Variants in GABRA2 observed in about 807,000 individuals in gnomAD.
GABRA2 encodes gamma-aminobutyric acid receptor subunit alpha-2.
GABRA2 carries 16 observed loss-of-function variants against 48.7 expected under a neutral mutation model. The ratio of observed to expected loss-of-function variants is 0.33; its 90% CI spans 0.22 to 0.50. The LOEUF (loss-of-function observed/expected upper bound fraction) is 0.50. Ranked by LOEUF, GABRA2 falls within the 20% of genes least tolerant of loss-of-function variation. The pLI, the probability that GABRA2 is intolerant of heterozygous loss-of-function variation, is 0.98. For synonymous variants in GABRA2, 185 were observed against 184.5 expected (o/e 1.00, Z -0.02); for missense variants, 275 against 535.6 (o/e 0.51, Z 4.80).
At chr4:46,369,727 T>C (rs1339859835) in intron 3 of GABRA2, among the ~76,000 whole-genome samples, 1 of 152,102 alleles carries the variant, frequency 6.6e-6, no homozygotes, top group Non-Finnish European at 1.5e-5. Flanking sequence ...GGCAGAGTCA[T>C]AAGTCTTTGT....
At chr4:46,282,178 C>T (rs1316574512) in intron 8 of GABRA2, among the ~76,000 whole-genome samples, 5 of 152,184 alleles carry the variant, frequency 3.3e-5, no homozygotes, top group Non-Finnish European at 7.4e-5. Flanking sequence ...ATGACAACCT[C>T]TTATTCTCCT....
At chr4:46,349,835 A>G (rs1734819668) in intron 3 of GABRA2, among the ~76,000 whole-genome samples, 1 of 151,936 alleles carries the variant, frequency 6.6e-6, no homozygotes, top group East Asian at 1.9e-4. Flanking sequence ...TAACTTTACC[A>G]CATATTACTG....
chr4:46,377,268 G>A (rs1715896145), intron 3 of GABRA2, among the ~76,000 whole-genome samples: 1 of 149,474 alleles, frequency 6.7e-6, no homozygotes, highest in Non-Finnish European at 1.5e-5. Flanking sequence ...CTGCCCGGCC[G>A]CCATCCCATC....
At chr4:46,252,860 A>T (rs556690344) in intron 9 of GABRA2, among the ~76,000 whole-genome samples, 1 of 151,480 alleles carries the variant, frequency 6.6e-6, no homozygotes, top group East Asian at 1.9e-4. Flanking sequence ...GTAACTTGAC[A>T]AAAGGAAGAT....
At chr4:46,274,738 T>C (rs1720149116) in intron 8 of GABRA2, among the ~76,000 whole-genome samples, 1 of 152,120 alleles carries the variant, frequency 6.6e-6, no homozygotes, top group Admixed American at 6.6e-5. Flanking sequence ...GCTTTATCTC[T>C]AAAATGGGAA....
At chr4:46,304,014 G>GT (rs202153003) in intron 7 of GABRA2, among the ~76,000 whole-genome samples, 1 of 151,808 alleles carries the variant, frequency 6.6e-6, no homozygotes, top group Non-Finnish European at 1.5e-5. Context: ...ACTCAAAAAG[G>GT]TTTTTTTGTT....
chr4:46,320,306 C>T (rs1470598062), intron 4 of GABRA2, among the ~76,000 whole-genome samples: 1 of 151,764 alleles, frequency 6.6e-6, no homozygotes, highest in Non-Finnish European at 1.5e-5. Flanking sequence ...GACTAAAGAC[C>T]TAAAGGTAAG....
At position 46,305,720 on chromosome 4, in the gene GABRA2, A is replaced by T. The variant is rs2109643940; in HGVS notation, c.560-9T>A. 1 of 1,590,786 alleles carries T rather than the reference A, an allele frequency of 6.3e-7. No homozygotes were observed. The highest frequency in any genetic ancestry group is 1.7e-5 in the Admixed American group (1 of 58,266). On this transcript the variant is annotated splice_polypyrimidine_tract_variant and intron_variant, in intron 6 of 9. Transcript: ENST00000381620. ...TGAAGTTGTATATGCATCTATAGGA[A>T]ATCAGAAAAAATATTTTAAGCATTT... is the stretch of plus-strand genomic sequence containing the variant.
chr4:46,378,064 G>T (rs1366550228), intron 3 of GABRA2, among the ~76,000 whole-genome samples: 14 of 151,782 alleles, frequency 9.2e-5, no homozygotes, highest in Non-Finnish European at 1.5e-4. Flanking sequence ...CCGGCCAGCC[G>T]CCCCATCAGG....
At chr4:46,367,879 T>A (rs1335830129) in intron 3 of GABRA2, 2 of 152,124 alleles carry the variant, frequency 1.3e-5, no homozygotes, top group African/African-American at 4.8e-5. Flanking sequence ...CTTCCACTTC[T>A]GAGTAAATGG....
At chr4:46,355,075 C>T (rs1333139664) in intron 3 of GABRA2, among the ~76,000 whole-genome samples, 1 of 152,028 alleles carries the variant, frequency 6.6e-6, no homozygotes, top group African/African-American at 2.4e-5. Context: ...CTAGTCTACT[C>T]CCTTCCGAGG....
chr4:46,388,942 C>A (rs200122980), intron 1 of GABRA2: 2 of 1,087,310 alleles, frequency 1.8e-6, no homozygotes, highest in South Asian at 2.5e-5. Context: ...TTTTTTCTTT[C>A]TTTCTTTCTT....
In GABRA2 at chr4:46,246,304, A is replaced by C. The variant is rs910982049; in HGVS notation, c.*4004T>G. ...ATTAATATCTTTAATATAAATTTTA[A>C]CAGCAAAATATTATGGATATTAAAT... On this transcript the variant is annotated 3_prime_UTR_variant, in exon 10 of 10. Coordinates refer to ENST00000381620, the MANE Select transcript of GABRA2 (RefSeq NM_000807.4). 2.6e-5 allele frequency among the ~76,000 whole-genome samples: 4 copies of C among 151,046 alleles called. No homozygotes were observed. The highest frequency in any genetic ancestry group is 1.3e-4 in the Admixed American group (2 of 15,098).
chr4:46,384,879 C>T (rs13140892), intron 3 of GABRA2, among the ~76,000 whole-genome samples: 44,899 of 151,740 alleles, frequency 0.3, 6,935 homozygotes, highest in Middle Eastern at 0.34. Context: ...TATTAAACAA[C>T]TGAATTCTTC....
chr4:46,252,977 C>G (rs749321767), intron 9 of GABRA2, among the ~76,000 whole-genome samples: 2 of 151,308 alleles, frequency 1.3e-5, no homozygotes, highest in African/African-American at 4.8e-5. Flanking sequence ...CAAATCATAA[C>G]TATTACAAGC....
chr4:46,341,669 A>G (rs1352007425), intron 3 of GABRA2, among the ~76,000 whole-genome samples: 1 of 152,074 alleles, frequency 6.6e-6, no homozygotes, highest in Non-Finnish European at 1.5e-5. Context: ...CTAAGCCTTC[A>G]CTTCCTGCTT....
In GABRA2 at chr4:46,254,877, C is replaced by T. The variant is rs527458782; in HGVS notation, c.1060-4273G>A. ...CTTCCTGCTGAAATCTGTACACTCA[C>T]TTGTACCCCCTAATCTGTGACTGGT... On this transcript the variant is annotated intron_variant, in intron 9 of 9. Transcript: ENST00000381620. Among the ~76,000 whole-genome samples, 10 of 151,656 alleles carry T rather than the reference C, an allele frequency of 6.6e-5. No homozygotes were observed. In the Admixed American group the frequency reaches 6.6e-4, roughly 10 times the overall value.
At chr4:46,352,820 T>C (rs747005489) in intron 3 of GABRA2, among the ~76,000 whole-genome samples, 1 of 152,102 alleles carries the variant, frequency 6.6e-6, no homozygotes, top group Non-Finnish European at 1.5e-5. Context: ...AGAATGTCTA[T>C]GGTAAAGTGC....
chr4:46,344,406 G>C (rs571976725), intron 3 of GABRA2, among the ~76,000 whole-genome samples: 1 of 151,984 alleles, frequency 6.6e-6, no homozygotes, highest in African/African-American at 2.4e-5. Context: ...AAGCCAGCTT[G>C]GTGTGAGAGA....
Sources: allele counts gnomAD v4.1 joint callset (sites outside exome capture counted in the v4.1 genomes callset), GRCh38; gene constraint gnomAD v4.1.1; transcripts MANE v1.5; gene names NCBI Gene and HGNC (gene_info 2026-07-23, HGNC 2026-07-21).